The following GNG2 variants were observed in gnomAD, a reference collection of about 807,000 sequenced individuals.
GNG2 encodes G protein subunit gamma 2.
GNG2 carries 5 observed loss-of-function variants against 5.5 expected under a neutral mutation model. That is an observed-to-expected ratio of 0.91 (90% CI 0.48 to 1.92). GNG2 has a LOEUF of 1.92. Ranked by LOEUF, GNG2 falls within the 30% of genes most tolerant of loss-of-function variation. The pLI is 0.01. For synonymous variants in GNG2, 28 were observed against 32.0 expected, an observed-to-expected ratio of 0.88 and a Z score of 0.42; for missense variants, 55 against 88.4, an observed-to-expected ratio of 0.62 and a Z score of 1.52.
intron 2 of GNG2, among the ~76,000 whole-genome samples, chr14:51,888,886 A>T (rs1163653152): frequency 6.6e-6 from 1 of 152,156 alleles, no homozygotes; most frequent in Non-Finnish European, 1.5e-5. Flanking sequence ...TTCAGCCATG[A>T]AAAGGAACAA....
rs547346269 is a variant in GNG2, at chr14:51,911,717, A to T, written c.-30+34060A>T. 2.0e-5 allele frequency among the ~76,000 whole-genome samples: 3 copies of T among 148,260 alleles called. 1 individual carries two copies. Among genetic ancestry groups the T allele is most frequent in the Non-Finnish European group, 4.4e-5 (3 of 67,494 alleles). ...TGCCACCAAGCCTGGCTAATTTTTT[A>T]AAAAAACATTTATAGAGACAGGGTC... On this transcript the variant is annotated intron_variant, in intron 2 of 3. Coordinates refer to ENST00000556766, the MANE Select transcript of GNG2 (RefSeq NM_053064.5).
chr14:51,877,589 T>A, intron 1 of GNG2, 28 bp from the exon 2 acceptor site: 1 of 455,444 alleles, frequency 2.2e-6, no homozygotes, highest in South Asian at 1.6e-5. Flanking sequence ...TTTTAAAAAA[T>A]TCGTTTTTCT....
At position 51,843,588 on chromosome 14, in the gene GNG2, A is replaced by C. The variant is rs72678106; in HGVS notation, c.64+15781A>C. ...CCAGAACTTAAAGTTAAAAAAAAAA[A>C]AAACTCAAATATTTTGAGTGTGTCC... is the stretch of plus-strand genomic sequence containing the variant. On this transcript the variant is annotated intron_variant, in intron 2 of 3. Transcript: ENST00000553432. Among the ~76,000 whole-genome samples the C allele has an allele frequency of 3.2e-3, 489 of 150,786 alleles. 3 individuals are homozygous for C. Among genetic ancestry groups the C allele is most frequent in the African/African-American group, 6.4e-3 (265 of 41,150 alleles).
chr14:51,900,528 A>G (rs1885479581), intron 2 of GNG2, among the ~76,000 whole-genome samples: 1 of 150,578 alleles, frequency 6.6e-6, no homozygotes, highest in Non-Finnish European at 1.5e-5. Flanking sequence ...TTTCATTCAA[A>G]TAAGTGTCCT....
chr14:51,866,942 C>T (rs527933286), intron 1 of GNG2, among the ~76,000 whole-genome samples: 2 of 152,366 alleles, frequency 1.3e-5, no homozygotes, highest in African/African-American at 4.8e-5. Flanking sequence ...CTTGGACTCT[C>T]TATCCCATTC....
intron 2 of GNG2, among the ~76,000 whole-genome samples, chr14:51,879,773 T>C (rs752687297): frequency 5.9e-5 from 9 of 152,184 alleles, no homozygotes; most frequent in Non-Finnish European, 8.8e-5. Context: ...AGATTGAACA[T>C]ACCTGGATAA....
chr14:51,876,946 G>C (rs943509219), intron 1 of GNG2, among the ~76,000 whole-genome samples: 1 of 151,490 alleles, frequency 6.6e-6, no homozygotes, highest in African/African-American at 2.4e-5. Context: ...AGCTTTTCAG[G>C]AATAAAGAAG....
At chr14:51,831,700 C>T (rs781253634) in intron 2 of GNG2, among the ~76,000 whole-genome samples, 18 of 152,232 alleles carry the variant, frequency 1.2e-4, no homozygotes, top group Non-Finnish European at 2.1e-4. Flanking sequence ...AAACAAAACA[C>T]ACTTGATATC....
rs958745006 is a variant in GNG2, at chr14:51,969,692, G to C, written c.*3005G>C. 1 of 152,194 alleles carries C rather than the reference G, an allele frequency of 6.6e-6. No individual in the cohort carries two copies. The highest frequency in any genetic ancestry group is 1.5e-5 in the Non-Finnish European group (1 of 68,040). 9.4% of individuals were successfully genotyped at this position (152,194 alleles called of 1,614,324 possible). A position where few individuals can be genotyped will look rare whatever the true frequency, so the allele number is the denominator to read the frequency against. On this transcript the variant is annotated 3_prime_UTR_variant, in exon 4 of 4. Coordinates refer to ENST00000556766, the MANE Select transcript of GNG2 (RefSeq NM_053064.5). ...ATCTGTGGAGTGTGTGTTTCAAAGA[G>C]AGAACTACAGAAATGTTAAAGCAGG...
intron 1 of GNG2, among the ~76,000 whole-genome samples, chr14:51,865,692 TA>T (rs1345816217): frequency 6.6e-6 from 1 of 151,802 alleles, no homozygotes; most frequent in Non-Finnish European, 1.5e-5. Context: ...AAATTGTTTG[TA>T]AGACTAAAAT....
intron 2 of GNG2, among the ~76,000 whole-genome samples, chr14:51,925,531 C>T (rs1887256691): frequency 1.3e-5 from 2 of 152,264 alleles, no homozygotes; most frequent in East Asian, 1.9e-4. Flanking sequence ...AGAATCTGCT[C>T]CTCTGAAAAT....
intron 3 of GNG2, among the ~76,000 whole-genome samples, chr14:51,953,879 C>T (rs1889124752): frequency 6.6e-6 from 1 of 152,150 alleles, no homozygotes; most frequent in South Asian, 2.1e-4. Flanking sequence ...TTGTGATTTT[C>T]CAGTGAGAGT....
chr14:51,946,573 C>G (rs1253944928), intron 2 of GNG2, among the ~76,000 whole-genome samples: 1 of 152,164 alleles, frequency 6.6e-6, no homozygotes, highest in Non-Finnish European at 1.5e-5. Context: ...TTCACAATCT[C>G]ACGCTGCTCC....
intron 2 of GNG2, among the ~76,000 whole-genome samples, chr14:51,948,317 C>T (rs976053160): frequency 6.6e-6 from 1 of 152,200 alleles, no homozygotes; most frequent in Non-Finnish European, 1.5e-5. Flanking sequence ...GTGATCTCTG[C>T]CACAGGTCAC....
At chr14:51,944,283 G>A (rs577797501) in intron 2 of GNG2, among the ~76,000 whole-genome samples, 6 of 152,328 alleles carry the variant, frequency 3.9e-5, no homozygotes, top group South Asian at 4.1e-4. Context: ...AAGGCTAAAT[G>A]TGCAAGATCA....
intron 2 of GNG2, among the ~76,000 whole-genome samples, chr14:51,888,276 C>T (rs1383239835): frequency 6.6e-6 from 1 of 151,972 alleles, no homozygotes. Context: ...ATCTGCTTAC[C>T]TATAGTAGCA....
intron 2 of GNG2, among the ~76,000 whole-genome samples, chr14:51,842,450 T>C (rs1425110260): frequency 6.6e-6 from 1 of 152,168 alleles, no homozygotes; most frequent in East Asian, 1.9e-4. Flanking sequence ...AGAATTTCTT[T>C]TGCAGCAGCC....
At position 51,937,063 on chromosome 14, in the gene GNG2, C is replaced by A. The variant is rs572590249; in HGVS notation, c.-29-13587C>A. On this transcript the variant is annotated intron_variant, in intron 2 of 3. Coordinates refer to ENST00000556766, the MANE Select transcript of GNG2 (RefSeq NM_053064.5). Reference sequence around the variant, plus strand: ...AATAGCTGTCTATGCCCTTGGTGAGCAAGTAAAAGGAAAGGTTGCTTGTCC... The same window carrying A: ...AATAGCTGTCTATGCCCTTGGTGAGAAAGTAAAAGGAAAGGTTGCTTGTCC... Among the ~76,000 whole-genome samples, 39 of 152,230 alleles carry A rather than the reference C, an allele frequency of 2.6e-4. 2 individuals are homozygous for A. The South Asian group carries it at 7.9e-3, about 31-fold the overall frequency.
rs1252250984 is a variant in GNG2, at chr14:51,917,465, T to C, written c.-29-33185T>C. The C allele has an allele frequency of 2.9e-5, 13 of 455,580 alleles. 1 individual carries two copies. The highest frequency in any genetic ancestry group is 4.4e-6 in the Non-Finnish European group (1 of 226,688). 28.2% of individuals were successfully genotyped at this position (455,580 alleles called of 1,614,324 possible). A position where few individuals can be genotyped will look rare whatever the true frequency, so the allele number is the denominator to read the frequency against. On this transcript the variant is annotated intron_variant, in intron 2 of 3. Transcript: ENST00000556766. Reference sequence around the variant, plus strand: ...ACGTAGCATCCTCCAGGGAGTGAGTTGGAACCTTAGCCTAGTGCAGAGTTT... The same window carrying C: ...ACGTAGCATCCTCCAGGGAGTGAGTCGGAACCTTAGCCTAGTGCAGAGTTT...
Sources: gnomAD v4.1 joint callset for allele counts (sites outside exome capture counted in the v4.1 genomes callset) on GRCh38, gnomAD v4.1.1 for gene constraint, MANE v1.5 for transcripts, NCBI Gene and HGNC (gene_info 2026-07-23, HGNC 2026-07-21) for gene names.